Variants in TRIM2 observed in about 807,000 individuals in gnomAD.
TRIM2 encodes tripartite motif containing 2.
A neutral mutation model predicts 75.2 loss-of-function variants in TRIM2; 20 were observed. That is an observed-to-expected ratio of 0.27 (90% CI 0.19 to 0.39). The LOEUF is 0.39. TRIM2 is among the 10% of genes least tolerant of loss of function. The probability of loss-of-function intolerance (pLI) is 1.00; values close to 1 mark genes in which losing one functional copy is unlikely to be tolerated. For missense variants in TRIM2, 660 were observed against 990.8 expected (o/e 0.67, Z 4.48); for synonymous variants, 373 against 388.3 (o/e 0.96, Z 0.46).
At position 153,205,049 on chromosome 4, in the gene TRIM2, G is replaced by A. The variant is rs550849609; in HGVS notation, c.30+489G>A. Among the ~76,000 whole-genome samples, 3 of 152,310 alleles carry A rather than the reference G, an allele frequency of 2.0e-5. No individual in the cohort carries two copies. In the East Asian group the frequency reaches 5.8e-4, roughly 29 times the overall value. On this transcript the variant is annotated intron_variant, in intron 1 of 11. Coordinates refer to ENST00000338700, the MANE Select transcript of TRIM2 (RefSeq NM_015271.5). ...GTTATAAATAGGTCTATTCAGAAAT[G>A]TGGGAACAGTTTAGAGCAGACAGGA...
rs1347343074 is a variant in TRIM2 at position 153,315,996 on chromosome 4, T to G, written c.1779T>G (p.Phe593Leu). The stretch of plus-strand genomic sequence containing the variant: ...GCATTTTCTCCTCCGATGGGAAATT[T>G]AAGGTAAGATTAACTACTAATTGTT... ...WVSIFSSDGK[F>L]KTKIGSGKLM... The change falls in exon 8 of 12, where the codon TTT (phenylalanine) becomes TTG (leucine). Residue 593 changes from phenylalanine to leucine, a missense_variant. Phe to Leu is a conservative substitution (Grantham distance 22, BLOSUM62 0). Around this residue, in one of 2 missense-constraint regions of TRIM2, gnomAD observed 620 missense variants for 891.0 expected, o/e 0.70. Coordinates refer to ENST00000338700, the MANE Select transcript of TRIM2 (RefSeq NM_015271.5). 6.4e-7 allele frequency: 1 copy of G among 1,563,954 alleles called. No individual in the cohort carries two copies. The highest frequency in any genetic ancestry group is 2.3e-5 in the East Asian group (1 of 43,522).
intron 1 of TRIM2, among the ~76,000 whole-genome samples, chr4:153,160,525 C>T (rs1365918133): frequency 6.6e-6 from 1 of 152,232 alleles, no homozygotes; most frequent in Non-Finnish European, 1.5e-5. Context: ...CCTCCCACTT[C>T]AGCCTCCCAA....
Position 153,322,779 on chromosome 4 carries a change from G to A in TRIM2, c.1914G>A (p.Arg638=), listed in dbSNP as rs895515911. The A allele has an allele frequency of 5.0e-6, 8 of 1,614,104 alleles. No individual in the cohort carries two copies. The African/African-American group carries it at 9.3e-5, about 19-fold the overall frequency. The stretch of plus-strand genomic sequence containing the variant: ...AGCCAAACGGGAAAATAGTCACCAG[G>A]TTTGGTAGCCGAGGAAATGGGGACA... ...IFQPNGKIVT[R]FGSRGNGDRQ... Residue 638 remains arginine, a synonymous_variant, in exon 9 of 12, where the codon AGG becomes AGA. Coordinates refer to ENST00000338700, the MANE Select transcript of TRIM2 (RefSeq NM_015271.5).
At chr4:153,206,029 G>T (rs1200570352) in intron 1 of TRIM2, among the ~76,000 whole-genome samples, 1 of 152,208 alleles carries the variant, frequency 6.6e-6, no homozygotes, top group East Asian at 1.9e-4. Context: ...AGGCTCCAAA[G>T]GGAAAGGACA....
chr4:153,219,526 C>T (rs1739391792), intron 1 of TRIM2, among the ~76,000 whole-genome samples: 1 of 152,044 alleles, frequency 6.6e-6, no homozygotes, highest in South Asian at 2.1e-4. Flanking sequence ...CACATGTGGC[C>T]ATTGAGAGAA....
chr4:153,232,758 A>G (rs930837618), intron 1 of TRIM2, among the ~76,000 whole-genome samples: 2 of 152,248 alleles, frequency 1.3e-5, no homozygotes. Flanking sequence ...AGAACATAAC[A>G]GTTTACAGAA....
At chr4:153,266,262 C>T (rs529561214) in intron 1 of TRIM2, among the ~76,000 whole-genome samples, 3 of 152,062 alleles carry the variant, frequency 2.0e-5, no homozygotes, top group Non-Finnish European at 4.4e-5. Context: ...CTTGACCTCC[C>T]GAGCTCAAGC....
intron 1 of TRIM2, among the ~76,000 whole-genome samples, chr4:153,179,859 A>G (rs1053598284): frequency 1.3e-5 from 2 of 152,216 alleles, no homozygotes; most frequent in African/African-American, 4.8e-5. Flanking sequence ...GGGAGCCTCT[A>G]TTTAGATATC....
intron 6 of TRIM2, among the ~76,000 whole-genome samples, chr4:153,311,544 T>A (rs1259520742): frequency 6.6e-6 from 1 of 152,004 alleles, no homozygotes; most frequent in Non-Finnish European, 1.5e-5. Flanking sequence ...TTCTCTCCTG[T>A]TTTTCAGTAT....
rs141880398 is a variant in TRIM2 at position 153,248,513 on chromosome 4, T to A, written c.31-21822T>A. Among the ~76,000 whole-genome samples, 121 of 152,316 alleles carry A rather than the reference T, an allele frequency of 7.9e-4. 1 individual carries two copies. The highest frequency in any genetic ancestry group is 2.7e-3 in the African/African-American group (112 of 41,574). On this transcript the variant is annotated intron_variant, in intron 1 of 11. Coordinates refer to ENST00000338700, the MANE Select transcript of TRIM2 (RefSeq NM_015271.5). This position sits in a 1 kb window ranked among gnomAD's most constrained non-coding sequence, Gnocchi z 4.0. ...TCTTCTCCACTACCGCACCTGAGACTTACTGTGTGTTAGGCATGGGGCTGA... is the reference window on the plus strand; with the variant it reads ...TCTTCTCCACTACCGCACCTGAGACATACTGTGTGTTAGGCATGGGGCTGA...
intron 1 of TRIM2, among the ~76,000 whole-genome samples, chr4:153,260,495 AG>A (rs1343552262): frequency 6.6e-6 from 1 of 152,092 alleles, no homozygotes. Context: ...AAGACAAGTC[AG>A]GGGCTCAGCT....
intron 1 of TRIM2, among the ~76,000 whole-genome samples, chr4:153,255,755 A>G (rs1751937109): frequency 6.6e-6 from 1 of 152,262 alleles, no homozygotes; most frequent in African/African-American, 2.4e-5. Context: ...ACGCAATGGA[A>G]TATCGTTCAG....
At chr4:153,219,985 C>T (rs990326056) in intron 1 of TRIM2, among the ~76,000 whole-genome samples, 15 of 152,184 alleles carry the variant, frequency 9.9e-5, no homozygotes, top group Admixed American at 7.9e-4. Context: ...AAGCCCTGTC[C>T]TGGGCACTAA....
intron 1 of TRIM2, among the ~76,000 whole-genome samples, chr4:153,244,355 C>CTTCTTCTTCCTCT (rs1748079616): frequency 1.6e-4 from 2 of 12,706 alleles, no homozygotes; most frequent in African/African-American, 5.1e-4. Context: ...CTTCTTCTTC[C>CTTCTTCTTCCTCT]TCTTCTTCTT....
chr4:153,204,308 A>G, upstream of TRIM2: 1 of 577,286 alleles, frequency 1.7e-6, no homozygotes, highest in Non-Finnish European at 3.1e-6. Flanking sequence ...CTTCGGAATG[A>G]AACACAATAT....
intron 1 of TRIM2, among the ~76,000 whole-genome samples, chr4:153,232,915 G>T (rs1020144208): frequency 1.3e-5 from 2 of 152,290 alleles, no homozygotes; most frequent in Admixed American, 6.5e-5. Flanking sequence ...GAGACTCAGA[G>T]CTGCAGGTGC....
intron 1 of TRIM2, among the ~76,000 whole-genome samples, chr4:153,255,490 A>C (rs377515135): frequency 2.0e-5 from 3 of 152,210 alleles, no homozygotes; most frequent in East Asian, 3.8e-4. Context: ...AATGAGAAGA[A>C]GAAAGGACTC....
rs73854606 is a variant in TRIM2, at chr4:153,219,273, G to A, written c.30+14713G>A. Among the ~76,000 whole-genome samples, 288 of 152,180 alleles carry A rather than the reference G, an allele frequency of 1.9e-3. 1 individual carries two copies. The highest frequency in any genetic ancestry group is 6.7e-3 in the African/African-American group (279 of 41,508). ...CAGACCCAACTGTTGAGGAGTGGCA[G>A]TCATAAAGCCCGATCCGCCAGAAAA... On this transcript the variant is annotated intron_variant, in intron 1 of 11. Transcript: ENST00000338700.
At position 153,244,414 on chromosome 4, in the gene TRIM2, CTTCTTCTTCTTCTTCTTCTTCTTTTA is replaced by C. The variant is rs1560875455; in HGVS notation, c.31-25920_31-25895del. 1.5e-4 allele frequency among the ~76,000 whole-genome samples: 15 copies of C among 97,450 alleles called. 2 individuals are homozygous for C. The highest frequency in any genetic ancestry group is 4.2e-3 in the Middle Eastern group (1 of 236). The allele number at this position is 97,450 out of a possible 152,430, so 63.9% of individuals were successfully genotyped here. A position where few individuals can be genotyped will look rare whatever the true frequency, so the allele number is the denominator to read the frequency against. On this transcript the variant is annotated intron_variant, in intron 1 of 11. Transcript: ENST00000338700. ...TCTTCTTCTTCTTCTTCTTCTTCTT[CTTCTTCTTCTTCTTCTTCTTCTTTTA>C]ATTAGAGAGGAGGCCTCACTATGTT...
Sources: gnomAD v4.1 joint callset for allele counts (sites outside exome capture counted in the v4.1 genomes callset) on GRCh38, gnomAD v4.1.1 for gene constraint, gnomAD v4.1.1 regional missense constraint, Gnocchi (gnomAD v3.1) non-coding constraint, MANE v1.5 for transcripts, NCBI Gene and HGNC (gene_info 2026-07-23, HGNC 2026-07-21) for gene names.